The following LRP1 variants were observed in gnomAD, a reference collection of about 807,000 sequenced individuals.
LRP1 encodes LDL receptor related protein 1, also known as prolow-density lipoprotein receptor-related protein 1.
In LRP1, 51 loss-of-function variants were observed where a neutral mutation model predicts 541.5. The observed-to-expected ratio is 0.09, with a 90% CI of 0.08 to 0.12. LRP1 has a LOEUF of 0.12. LRP1 is among the 10% of genes least tolerant of loss of function. The probability of loss-of-function intolerance (pLI) is 1.00; values close to 1 mark genes in which losing one functional copy is unlikely to be tolerated. For missense variants in LRP1, 3,878 were observed against 6,376.2 expected, an observed-to-expected ratio of 0.61 and a Z score of 13.34; for synonymous variants, 2,219 against 2,470.8, an observed-to-expected ratio of 0.90 and a Z score of 3.02.
In LRP1 at chr12:57,143,659, T is replaced by C; in HGVS notation, c.329-20T>C. On this transcript the variant is annotated intron_variant, in intron 3 of 88. Transcript: ENST00000243077. ...CCAGATCTGGCGGCCTGAATATGTG[T>C]CTCTCCTGCCCCCACACAGAGCTCC... The C allele has an allele frequency of 6.2e-7, 1 of 1,607,302 alleles. No individual in the cohort carries two copies. The highest frequency in any genetic ancestry group is 1.3e-5 in the African/African-American group (1 of 74,968).
Position 57,204,867 on chromosome 12 carries a change from G to A in LRP1, c.11194+118G>A. 1.3e-6 allele frequency: 2 copies of A among 1,491,068 alleles called. No individual in the cohort carries two copies. Among genetic ancestry groups the A allele is most frequent in the Non-Finnish European group, 1.8e-6 (2 of 1,101,994 alleles). 92.4% of individuals were successfully genotyped at this position (1,491,068 alleles called of 1,614,324 possible). The stretch of plus-strand genomic sequence containing the variant: ...TAACCAGGAGGACTCGCCCAGGAAG[G>A]GGAGGATCCATTGCTAGGAGCCTGG... On this transcript the variant is annotated intron_variant, in intron 72 of 88. Coordinates refer to ENST00000243077, the MANE Select transcript of LRP1 (RefSeq NM_002332.3). The surrounding 1 kb of genome is among the most constrained non-coding windows in gnomAD (Gnocchi z 5.3).
chr12:57,196,587 T>C (rs2036538082), intron 55 of LRP1, among the ~76,000 whole-genome samples: 2 of 152,016 alleles, frequency 1.3e-5, no homozygotes, highest in South Asian at 2.1e-4. Flanking sequence ...ATAGAGATGC[T>C]ATTTGAATCT....
chr12:57,202,894 G>A, intron 68 of LRP1: 2 of 566,164 alleles, frequency 3.5e-6, no homozygotes, highest in East Asian at 5.8e-5. Context: ...TTGTCTCAGT[G>A]GTCTTGCCCC....
Position 57,156,834 on chromosome 12 carries a change from T to C in LRP1, c.1475T>C (p.Ile492Thr). ...QYGKPGGCSDICLLANSHKAR... is the reference protein window; with the variant it reads ...QYGKPGGCSDTCLLANSHKAR... ...GGGAAGCCGGGTGGCTGCTCTGACATCTGCCTGCTGGCCAACAGCCACAAG... is the reference window on the plus strand; with the variant it reads ...GGGAAGCCGGGTGGCTGCTCTGACACCTGCCTGCTGGCCAACAGCCACAAG... Residue 492 changes from isoleucine (I) to threonine (T), a missense_variant, in exon 10 of 89, where the codon ATC becomes ACC. This residue lies in a region of LRP1 where 496 missense variants were observed against 861.0 expected (regional missense o/e 0.58). Transcript: ENST00000243077. This position sits in a 1 kb window ranked among gnomAD's most constrained non-coding sequence, Gnocchi z 5.2. The C allele has an allele frequency of 1.2e-6, 2 of 1,607,492 alleles. No individual in the cohort carries two copies. The highest frequency in any genetic ancestry group is 1.3e-5 in the African/African-American group (1 of 74,976).
chr12:57,184,440 A>G lies in LRP1; in HGVS notation c.6174A>G (p.Ser2058=). The G allele has an allele frequency of 1.2e-6, 2 of 1,614,206 alleles. No homozygotes were observed. Among genetic ancestry groups the G allele is most frequent in the Admixed American group, 1.7e-5 (1 of 60,032 alleles). The change falls in exon 38 of 89, where the codon TCA becomes TCG. Residue 2058 remains serine (S), a synonymous_variant. Coordinates refer to ENST00000243077, the MANE Select transcript of LRP1 (RefSeq NM_002332.3). The surrounding 1 kb of genome is among the most constrained non-coding windows in gnomAD (Gnocchi z 7.8). The part of the protein sequence containing the change: ...NVSISWPNGI[S]VDYQDGKLYW... The stretch of plus-strand genomic sequence containing the variant: ...GCATCAGCTGGCCCAACGGCATCTC[A>G]GTGGACTACCAGGTTCGCACGCCAA...
intron 2 of LRP1, 91 bp downstream of exon 2, chr12:57,138,672 G>C (rs1222013283): frequency 2.6e-6 from 4 of 1,524,556 alleles, no homozygotes; most frequent in Non-Finnish European, 3.6e-6. Flanking sequence ...CTGATCCCTA[G>C]CCTGATGTGG....
chr12:57,184,239 T>C lies in LRP1; in HGVS notation c.6059+25T>C. 6.2e-7 allele frequency: 1 copy of C among 1,613,350 alleles called. No homozygotes were observed. The highest frequency in any genetic ancestry group is 8.5e-7 in the Non-Finnish European group (1 of 1,179,378). On this transcript the variant is annotated intron_variant, in intron 37 of 88. Coordinates refer to ENST00000243077, the MANE Select transcript of LRP1 (RefSeq NM_002332.3). The surrounding 1 kb of genome is among the most constrained non-coding windows in gnomAD (Gnocchi z 7.8). ...GGTGAGGAGCTGGAAAGACTGGCCT[T>C]GTCATTCTGCCCATGGCCCATGCTG...
chr12:57,134,014 G>A (rs965562913), intron 1 of LRP1, among the ~76,000 whole-genome samples: 38 of 152,302 alleles, frequency 2.5e-4, no homozygotes, highest in African/African-American at 8.4e-4. Flanking sequence ...TGACAGCCAA[G>A]GGTCAAGCAG....
rs1222126641 is a variant in LRP1 at position 57,192,967 on chromosome 12, C to T, written c.7552C>T (p.Arg2518Ter). ...GRILQDDLTC[R>*]AVNSSCRAQD... ...AATCCTCCAGGATGACCTCACCTGCCGAGGTGAGAGAGGCGGGGGGGAGGG... is the reference window on the plus strand; with the variant it reads ...AATCCTCCAGGATGACCTCACCTGCTGAGGTGAGAGAGGCGGGGGGGAGGG... Residue 2518 changes from arginine to a stop codon, truncating the protein, a stop_gained, in exon 45 of 89, where the codon CGA becomes TGA. Coordinates refer to ENST00000243077, the MANE Select transcript of LRP1 (RefSeq NM_002332.3). LOFTEE classifies it high-confidence loss of function. The T allele has an allele frequency of 6.2e-7, 1 of 1,612,554 alleles. No individual in the cohort carries two copies. The highest frequency in any genetic ancestry group is 8.5e-7 in the Non-Finnish European group (1 of 1,179,380).
Position 57,197,463 on chromosome 12 carries a change from G to A in LRP1, c.9162+79G>A. 2 of 1,612,182 alleles carry A rather than the reference G, an allele frequency of 1.2e-6. No homozygotes were observed. Among genetic ancestry groups the A allele is most frequent in the Non-Finnish European group, 1.7e-6 (2 of 1,178,690 alleles). ...CTCCCTTGCAAGTCTCCCCGCTTAG[G>A]TCCAACCATCCCTCCCCCAGATGCA... On this transcript the variant is annotated intron_variant, in intron 57 of 88. Transcript: ENST00000243077. The surrounding 1 kb of genome is among the most constrained non-coding windows in gnomAD (Gnocchi z 4.5).
chr12:57,173,839 G>A lies in LRP1; in HGVS notation c.3406G>A (p.Asp1136Asn), dbSNP rs1290621872. ...CGACAATGACTGTGAGGATAACTCGGACGAGGAGAACTGCGAGTCCCTGGC... is the reference window on the plus strand; with the variant it reads ...CGACAATGACTGTGAGGATAACTCGAACGAGGAGAACTGCGAGTCCCTGGC... ...DGDNDCEDNS[D>N]EENCESLACR... is the part of the protein sequence containing the mutation. Residue 1136 changes from aspartate to asparagine, a missense_variant, in exon 22 of 89, where the codon GAC (aspartate) becomes AAC (asparagine). Asp to Asn is a conservative substitution (Grantham distance 23). Transcript: ENST00000243077. This position sits in a 1 kb window ranked among gnomAD's most constrained non-coding sequence, Gnocchi z 4.7. The A allele has an allele frequency of 6.2e-7, 1 of 1,614,092 alleles. No individual in the cohort carries two copies. Among genetic ancestry groups the A allele is most frequent in the Non-Finnish European group, 8.5e-7 (1 of 1,180,048 alleles).
rs772433254 is a variant in LRP1 at position 57,208,009 on chromosome 12, T to C, written c.11860-29T>C. 8.1e-6 allele frequency: 13 copies of C among 1,606,914 alleles called. No homozygotes were observed. In the African/African-American group the frequency reaches 1.3e-4, roughly 17 times the overall value. ...GGATAATGGCAGGAAGACAAAGCAG[T>C]GGCCCCTGAACCTGTGGCTTCCATT... is the stretch of plus-strand genomic sequence containing the variant. On this transcript the variant is annotated intron_variant, in intron 76 of 88. Transcript: ENST00000243077.
chr12:57,184,161 G>A lies in LRP1; in HGVS notation c.6006G>A (p.Val2002=), dbSNP rs767770578. 6.2e-7 allele frequency: 1 copy of A among 1,614,124 alleles called. No homozygotes were observed. Residue 2002 remains valine (V), a synonymous_variant, in exon 37 of 89, where the codon GTG becomes GTA. Coordinates refer to ENST00000243077, the MANE Select transcript of LRP1 (RefSeq NM_002332.3). The surrounding 1 kb of genome is among the most constrained non-coding windows in gnomAD (Gnocchi z 7.8). ...TCAATGGCTCCTTCCGCTACGTGGT[G>A]ATCTCCCAGGGTCTAGACAAGCCCC... ...ARLNGSFRYV[V]ISQGLDKPRA... is the part of the protein sequence containing the mutation.
intron 6 of LRP1, among the ~76,000 whole-genome samples, chr12:57,146,178 G>A (rs2035402217): frequency 6.6e-6 from 1 of 151,952 alleles, no homozygotes; most frequent in Non-Finnish European, 1.5e-5. Flanking sequence ...CCCACTGCCG[G>A]GAACAGCCCT....
intron 1 of LRP1, among the ~76,000 whole-genome samples, chr12:57,136,912 T>C (rs559952986): frequency 3.3e-5 from 5 of 152,326 alleles, no homozygotes; most frequent in African/African-American, 1.2e-4. Flanking sequence ...AAAACTGCTT[T>C]ACCACAGTTC....
rs770655144 is a variant in LRP1 at position 57,191,370 on chromosome 12, G to A, written c.7287G>A (p.Gly2429=). 6 of 1,613,090 alleles carry A rather than the reference G, an allele frequency of 3.7e-6. No individual in the cohort carries two copies. The highest frequency in any genetic ancestry group is 5.1e-6 in the Non-Finnish European group (6 of 1,179,400). Residue 2429 remains glycine, a synonymous_variant, in exon 44 of 89, where the codon GGG becomes GGA. Transcript: ENST00000243077. ...ACCCCTTCGGGCTGGCCGTGTATGGGGAGCACATTTTCTGGACTGACTGGG... is the reference window on the plus strand; with the variant it reads ...ACCCCTTCGGGCTGGCCGTGTATGGAGAGCACATTTTCTGGACTGACTGGG... ...PVHPFGLAVY[G]EHIFWTDWVR... is the part of the protein sequence containing the mutation.
chr12:57,193,133 CCACAGCGCTGGCT>C, intron 45 of LRP1, 30 bp from the exon 46 acceptor site: 1 of 1,608,090 alleles, frequency 6.2e-7, no homozygotes, highest in Non-Finnish European at 8.5e-7. Context: ...GCACTGGGGC[CCACAGCGCTGGCT>C]CAGAAAGCTC....
In LRP1 at chr12:57,195,876, C is replaced by T. The variant is rs1800154; in HGVS notation, c.8574C>T (p.Cys2858=). The T allele has an allele frequency of 0.33, 528,513 of 1,613,318 alleles. 90,318 individuals carry two copies. Among genetic ancestry groups the T allele is most frequent in the African/African-American group, 0.5 (37,341 of 74,914 alleles). The part of the protein sequence containing the change: ...DESPECEYPT[C]GPSEFRCANG... ...TTCCTCCCCCAGAGTACCCGACCTG[C>T]GGCCCCAGTGAGTTCCGCTGTGCCA... Residue 2858 remains cysteine, a synonymous_variant, in exon 54 of 89, where the codon TGC becomes TGT. Coordinates refer to ENST00000243077, the MANE Select transcript of LRP1 (RefSeq NM_002332.3).
At position 57,154,105 on chromosome 12, in the gene LRP1, C is replaced by A; in HGVS notation, c.842-103C>A. Reference sequence around the variant, plus strand: ...TGGGGGTGTTGGGTGGGAGGGCGTCCAGAGAAGGTGGGCTTCCAGGTGTGG... The same window carrying A: ...TGGGGGTGTTGGGTGGGAGGGCGTCAAGAGAAGGTGGGCTTCCAGGTGTGG... On this transcript the variant is annotated intron_variant, in intron 6 of 88. Transcript: ENST00000243077. This position sits in a 1 kb window ranked among gnomAD's most constrained non-coding sequence, Gnocchi z 4.6. The A allele has an allele frequency of 9.1e-7, 1 of 1,095,740 alleles. No individual in the cohort carries two copies. Among genetic ancestry groups the A allele is most frequent in the Non-Finnish European group, 1.4e-6 (1 of 734,686 alleles). The allele number at this position is 1,095,740 out of a possible 1,614,324, so 67.9% of individuals were successfully genotyped here. A position where few individuals can be genotyped will look rare whatever the true frequency, so the allele number is the denominator to read the frequency against.
Sources: gnomAD v4.1 joint callset for allele counts (sites outside exome capture counted in the v4.1 genomes callset) on GRCh38, gnomAD v4.1.1 for gene constraint, gnomAD v4.1.1 regional missense constraint, Gnocchi (gnomAD v3.1) non-coding constraint, MANE v1.5 for transcripts, NCBI Gene and HGNC (gene_info 2026-07-23, HGNC 2026-07-21) for gene names.